Variants in TENM3 observed in about 807,000 individuals in gnomAD.
TENM3 encodes teneurin-3.
TENM3 carries 63 observed loss-of-function variants against 255.1 expected under a neutral mutation model. That is an observed-to-expected ratio of 0.25 (90% CI 0.20 to 0.30). The LOEUF (loss-of-function observed/expected upper bound fraction) is 0.30. TENM3 is among the 10% of genes least tolerant of loss of function. TENM3 has a pLI of 1.00. For synonymous variants in TENM3, 1,306 were observed against 1,322.3 expected (o/e 0.99, Z 0.27); for missense variants, 2,929 against 3,461.1 (o/e 0.85, Z 3.86).
chr4:182,210,328 T>C (rs1313178924), intron 1 of TENM3, among the ~76,000 whole-genome samples: 3 of 152,106 alleles, frequency 2.0e-5, no homozygotes, highest in Non-Finnish European at 4.4e-5. Context: ...TTGTTCAAAA[T>C]AGGCTTCTTT....
the TENM3 span, among the ~76,000 whole-genome samples, chr4:181,653,140 G>A: frequency 5.9e-5 from 9 of 152,116 alleles, no homozygotes; most frequent in African/African-American, 1.7e-4. Context: ...TGCAGCGATC[G>A]GCAGGGCTGA....
intron 3 of TENM3, among the ~76,000 whole-genome samples, chr4:182,421,359 G>C (rs1433041705): frequency 6.6e-6 from 1 of 152,152 alleles, no homozygotes; most frequent in African/African-American, 2.4e-5. Context: ...TAATGGCCAA[G>C]AGAGCAATAA....
chr4:182,358,231 G>A (rs1174955972), intron 3 of TENM3, among the ~76,000 whole-genome samples: 2 of 145,956 alleles, frequency 1.4e-5, no homozygotes, highest in East Asian at 2.0e-4. Context: ...GAACTTTAAA[G>A]TAGTTTTTTC....
chr4:181,979,781 G>A, the TENM3 span, among the ~76,000 whole-genome samples: 68 of 152,202 alleles, frequency 4.5e-4, no homozygotes, highest in Admixed American at 1.0e-3. Flanking sequence ...CTTGCTCAAC[G>A]TCATACAGCT....
At chr4:182,199,031 C>T (rs1170044852) in intron 1 of TENM3, among the ~76,000 whole-genome samples, 5 of 152,108 alleles carry the variant, frequency 3.3e-5, no homozygotes, top group Admixed American at 1.3e-4. Context: ...AAACTTTGAA[C>T]AACAAATTTC....
intron 5 of TENM3, among the ~76,000 whole-genome samples, chr4:182,645,341 T>A (rs1752647622): frequency 6.6e-6 from 1 of 152,010 alleles, no homozygotes; most frequent in African/African-American, 2.4e-5. Flanking sequence ...TTCAAAGTCA[T>A]CCATCCACAT....
At chr4:182,265,177 T>G (rs1759165967) in intron 1 of TENM3, among the ~76,000 whole-genome samples, 1 of 152,108 alleles carries the variant, frequency 6.6e-6, no homozygotes, top group Non-Finnish European at 1.5e-5. Context: ...TTATCTGACG[T>G]TTTTGAGTTT....
the TENM3 span, among the ~76,000 whole-genome samples, chr4:182,134,119 C>T: frequency 3.9e-5 from 6 of 152,162 alleles, no homozygotes; most frequent in Admixed American, 3.9e-4. Context: ...TCAAGATAAT[C>T]TTCAAATTTC....
intron 12 of TENM3, among the ~76,000 whole-genome samples, chr4:182,706,102 T>G (rs1758262082): frequency 6.6e-6 from 1 of 152,242 alleles, no homozygotes; most frequent in South Asian, 2.1e-4. Context: ...TTCCAGTAAA[T>G]TCCTTGGGAA....
At chr4:181,968,788 A>C in the TENM3 span, among the ~76,000 whole-genome samples, 2 of 152,142 alleles carry the variant, frequency 1.3e-5, no homozygotes, top group Non-Finnish European at 2.9e-5. Flanking sequence ...TATTGTATGC[A>C]AAAAAATTCT....
At chr4:181,817,260 G>A in the TENM3 span, among the ~76,000 whole-genome samples, 1 of 152,144 alleles carries the variant, frequency 6.6e-6, no homozygotes, top group Non-Finnish European at 1.5e-5. Flanking sequence ...ATTAACATTT[G>A]GAGCTGGATA....
chr4:181,830,954 C>A, the TENM3 span, among the ~76,000 whole-genome samples: 1 of 152,188 alleles, frequency 6.6e-6, no homozygotes, highest in Non-Finnish European at 1.5e-5. Flanking sequence ...CCTACAACTT[C>A]TCATACACAT....
At chr4:181,857,475 G>T in the TENM3 span, among the ~76,000 whole-genome samples, 1 of 149,808 alleles carries the variant, frequency 6.7e-6, no homozygotes, top group Non-Finnish European at 1.5e-5. Context: ...AGCATTTTGG[G>T]AGCCTGAGGC....
the TENM3 span, among the ~76,000 whole-genome samples, chr4:181,966,125 G>T: frequency 6.6e-6 from 1 of 152,132 alleles, no homozygotes; most frequent in Admixed American, 6.5e-5. Context: ...AACAACAAAG[G>T]CTGTGGTTAT....
At chr4:181,604,364 AC>A in the TENM3 span, among the ~76,000 whole-genome samples, 1 of 152,230 alleles carries the variant, frequency 6.6e-6, no homozygotes, top group Admixed American at 6.5e-5. Context: ...GCAAAACAAA[AC>A]AAAAATCAGA....
At chr4:181,646,045 C>A in the TENM3 span, among the ~76,000 whole-genome samples, 1 of 152,156 alleles carries the variant, frequency 6.6e-6, no homozygotes, top group Non-Finnish European at 1.5e-5. Context: ...TATGGACACG[C>A]ACATTTGTGC....
chr4:181,723,573 G>A, the TENM3 span, among the ~76,000 whole-genome samples: 2 of 152,110 alleles, frequency 1.3e-5, no homozygotes, highest in African/African-American at 4.8e-5. Context: ...GATATTGAAA[G>A]GTGTTGTTTT....
the TENM3 span, among the ~76,000 whole-genome samples, chr4:181,588,601 T>G: frequency 0.011 from 1,673 of 152,282 alleles, 24 homozygotes; most frequent in African/African-American, 0.038. Flanking sequence ...AAACTGTGAC[T>G]ATGAAGCTGC....
At chr4:182,143,330 C>CT (rs908983382), upstream of TENM3, 1 of 167,046 alleles carries the variant, frequency 6.0e-6, no homozygotes, top group African/African-American at 2.4e-5. This position sits in a 1 kb window ranked among gnomAD's most constrained non-coding sequence, Gnocchi z 4.3. Flanking sequence ...TACTGCCTCC[C>CT]TTCCCTGTCC....
Sources: allele counts gnomAD v4.1 joint callset (sites outside exome capture counted in the v4.1 genomes callset), GRCh38; gene constraint gnomAD v4.1.1; non-coding constraint Gnocchi (gnomAD v3.1); transcripts MANE v1.5; gene names NCBI Gene and HGNC (gene_info 2026-07-23, HGNC 2026-07-21).